Variants in ACBD5 observed in about 807,000 individuals in gnomAD.
ACBD5 encodes acyl-CoA binding domain containing 5.
ACBD5 carries 40 observed loss-of-function variants against 71.8 expected under a neutral mutation model. That is an observed-to-expected ratio of 0.56 (90% CI 0.43 to 0.72). ACBD5 has a LOEUF of 0.72. Ranked by LOEUF, ACBD5 falls within the 30% of genes least tolerant of loss-of-function variation. The pLI, the probability that ACBD5 is intolerant of heterozygous loss-of-function variation, is 0.00. For missense variants in ACBD5, 559 were observed against 644.5 expected (o/e 0.87, Z 1.44); for synonymous variants, 229 against 218.6 (o/e 1.05, Z -0.42).
intron 11 of ACBD5, among the ~76,000 whole-genome samples, chr10:27,204,903 A>G (rs1002654644): frequency 3.2e-4 from 49 of 152,134 alleles, no homozygotes; most frequent in Admixed American, 1.2e-3. Flanking sequence ...CGAGGTGGGC[A>G]GATCACGAGG....
At chr10:27,232,987 A>G (rs1265222862) in intron 3 of ACBD5, among the ~76,000 whole-genome samples, 2 of 152,188 alleles carry the variant, frequency 1.3e-5, no homozygotes, top group Non-Finnish European at 2.9e-5. Context: ...ACATATTACT[A>G]TTTCATTTAA....
At position 27,240,408 on chromosome 10, in the gene ACBD5, T is replaced by C. The variant is rs1350608960; in HGVS notation, c.92A>G (p.His31Arg). The C allele has an allele frequency of 1.2e-6, 2 of 1,613,874 alleles. No individual in the cohort carries two copies. The highest frequency in any genetic ancestry group is 8.5e-7 in the Non-Finnish European group (1 of 1,180,004). Residue 31 changes from histidine (H) to arginine (R), a missense_variant, in exon 2 of 13, where the codon CAC becomes CGC. Coordinates refer to ENST00000396271, the MANE Select transcript of ACBD5 (RefSeq NM_145698.5). The surrounding 1 kb of genome is among the most constrained non-coding windows in gnomAD (Gnocchi z 4.1). The part of the protein sequence containing the change: ...PADRPWDRGQ[H>R]WQLEMADTRS... The stretch of plus-strand genomic sequence containing the variant: ...CGTGTCCGCCATCTCCAGCTGCCAG[T>C]GTTGGCCCCGGTCCCAAGGTCTGTC...
intron 4 of ACBD5, among the ~76,000 whole-genome samples, chr10:27,230,652 C>T (rs1260378660): frequency 5.9e-5 from 9 of 151,970 alleles, no homozygotes; most frequent in Admixed American, 5.9e-4. Context: ...CAAAAATTAG[C>T]CAGGTGTAGT....
chr10:27,204,732 G>A (rs1197619081), intron 11 of ACBD5, among the ~76,000 whole-genome samples, 183 bp from the exon 12 acceptor site: 1 of 152,190 alleles, frequency 6.6e-6, no homozygotes, highest in African/African-American at 2.4e-5. Context: ...TTCAGGAGTA[G>A]TTCAGACTTA....
At chr10:27,207,274 C>G (rs1262333039) in intron 10 of ACBD5, among the ~76,000 whole-genome samples, 3 of 122,482 alleles carry the variant, frequency 2.4e-5, no homozygotes, top group Admixed American at 9.3e-5. Context: ...GACTCCATCT[C>G]AAAAAAAAAC....
downstream of ACBD5, among the ~76,000 whole-genome samples, chr10:27,193,853 C>G (rs1156260427): frequency 6.6e-6 from 1 of 152,152 alleles, no homozygotes; most frequent in Non-Finnish European, 1.5e-5. Context: ...CTTGGTCAAG[C>G]CACCACAGCT....
At chr10:27,216,314 T>C (rs1023464299) in intron 7 of ACBD5, among the ~76,000 whole-genome samples, 1 of 152,174 alleles carries the variant, frequency 6.6e-6, no homozygotes, top group African/African-American at 2.4e-5. Context: ...TAATTTTTTG[T>C]ATATTTACTT....
Position 27,198,119 on chromosome 10 carries a change from C to T in ACBD5, c.1566-677G>A, listed in dbSNP as rs765590337. ...TGTAAGAGGATAATAGATGTACGAC[C>T]TGGAGTATTCACTTAATCAACATGG... On this transcript the variant is annotated intron_variant, in intron 12 of 12. Transcript: ENST00000396271. Among the ~76,000 whole-genome samples, 3 of 152,270 alleles carry T rather than the reference C, an allele frequency of 2.0e-5. No individual in the cohort carries two copies. In the East Asian group the frequency reaches 5.8e-4, roughly 29 times the overall value.
rs1447268126 is a variant in ACBD5, at chr10:27,197,011, CTTTCT to C, written c.*414_*418del. 2.5e-5 allele frequency: 11 copies of C among 446,988 alleles called. No individual in the cohort carries two copies. The East Asian group carries it at 2.8e-4, about 11-fold the overall frequency. The allele number at this position is 446,988 out of a possible 1,614,324, so 27.7% of individuals were successfully genotyped here. A position where few individuals can be genotyped will look rare whatever the true frequency, so the allele number is the denominator to read the frequency against. The stretch of plus-strand genomic sequence containing the variant: ...TTGAAATTCACTCCTGGTTTGCATT[CTTTCT>C]TTTATTTAATTTAGAAAATTAAAAA... On this transcript the variant is annotated 3_prime_UTR_variant, in exon 13 of 13. Transcript: ENST00000396271.
At chr10:27,223,534 A>G in intron 4 of ACBD5, 82 bp from the exon 5 acceptor site, 1 of 1,004,334 alleles carries the variant, frequency 1.0e-6, no homozygotes, top group Non-Finnish European at 1.5e-6. Flanking sequence ...TCCTATTTCC[A>G]ATTTGTCAAT....
downstream of ACBD5, among the ~76,000 whole-genome samples, chr10:27,191,068 C>A (rs1588883851): frequency 2.6e-5 from 4 of 152,278 alleles, no homozygotes; most frequent in South Asian, 8.3e-4. Context: ...TTACACTCTT[C>A]CTTCAACAGG....
chr10:27,186,798 G>A (rs1446584912), intron 13 of ACBD5: 3 of 448,692 alleles, frequency 6.7e-6, no homozygotes, highest in Non-Finnish European at 1.2e-5. Context: ...TATGAAAACT[G>A]AAGCATCAAT....
intron 8 of ACBD5, among the ~76,000 whole-genome samples, chr10:27,212,259 G>A (rs565517735): frequency 2.0e-5 from 3 of 152,214 alleles, no homozygotes; most frequent in Admixed American, 6.5e-5. Flanking sequence ...TGAGGCACAA[G>A]AATCACTTGA....
In ACBD5 at chr10:27,208,405, C is replaced by A; in HGVS notation, c.1245G>T (p.Arg415=). Residue 415 remains arginine, a synonymous_variant, in exon 10 of 13, where the codon CGG becomes CGT. Transcript: ENST00000396271. ...CCCCATCACCTCCACTTCCCACCTG[C>A]CGGCCCTTGGTTCCTTCGCTCAAGT... ...MQHLSEGTKG[R]QVGSGGDGER... The A allele has an allele frequency of 6.2e-7, 1 of 1,614,152 alleles. No homozygotes were observed. Among genetic ancestry groups the A allele is most frequent in the Non-Finnish European group, 8.5e-7 (1 of 1,180,040 alleles).
At chr10:27,227,719 T>C (rs922770108) in intron 4 of ACBD5, among the ~76,000 whole-genome samples, 2 of 152,102 alleles carry the variant, frequency 1.3e-5, no homozygotes, top group Non-Finnish European at 2.9e-5. Context: ...TTTATTTATT[T>C]ATTTATTTTC....
chr10:27,189,575 G>A (rs10829203), intron 13 of ACBD5, among the ~76,000 whole-genome samples: 82,627 of 135,336 alleles, frequency 0.61, 24,755 homozygotes, highest in Non-Finnish European at 0.64. Flanking sequence ...TGAACAATGA[G>A]AACACATGGA....
At chr10:27,207,535 A>G (rs2060595077) in intron 10 of ACBD5, among the ~76,000 whole-genome samples, 1 of 152,154 alleles carries the variant, frequency 6.6e-6, no homozygotes, top group South Asian at 2.1e-4. Context: ...TTACAGCATG[A>G]TGCTTCAATG....
chr10:27,194,512 T>A (rs1049426922), downstream of ACBD5, among the ~76,000 whole-genome samples: 30 of 151,382 alleles, frequency 2.0e-4, no homozygotes, highest in African/African-American at 6.5e-4. Context: ...TGTGGGAGGC[T>A]GAGGCAGGAG....
chr10:27,242,077 G>T (rs1194089106), upstream of ACBD5: 3 of 453,272 alleles, frequency 6.6e-6, no homozygotes, highest in Non-Finnish European at 1.3e-5. Context: ...TGCCGGACAA[G>T]GCCTGTCCGG....
Sources: gnomAD v4.1 joint callset for allele counts (sites outside exome capture counted in the v4.1 genomes callset) on GRCh38, gnomAD v4.1.1 for gene constraint, Gnocchi (gnomAD v3.1) non-coding constraint, MANE v1.5 for transcripts, NCBI Gene and HGNC (gene_info 2026-07-23, HGNC 2026-07-21) for gene names.